The following TMPO variants were observed in gnomAD, a reference collection of about 807,000 sequenced individuals.
TMPO encodes thymopoietin.
TMPO carries 22 observed loss-of-function variants against 45.4 expected under a neutral mutation model. The observed-to-expected ratio is 0.48, with a 90% confidence interval of 0.35 to 0.69. The LOEUF is 0.69. Among genes scored for constraint, TMPO ranks in the 30% least tolerant of loss-of-function variants. The pLI, the probability that TMPO is intolerant of heterozygous loss-of-function variation, is 0.01. For missense variants in TMPO, 512 were observed against 548.8 expected (o/e 0.93, Z 0.67); for synonymous variants, 241 against 204.1 (o/e 1.18, Z -1.54).
chr12:98,528,308 G>C lies in TMPO; in HGVS notation c.406+296G>C, dbSNP rs182833695. Among the ~76,000 whole-genome samples, 186 of 138,672 alleles carry C rather than the reference G, an allele frequency of 1.3e-3. 1 individual carries two copies. Among genetic ancestry groups the C allele is most frequent in the Non-Finnish European group, 7.0e-4 (46 of 65,826 alleles). 91.0% of individuals were successfully genotyped at this position (138,672 alleles called of 152,430 possible). On this transcript the variant is annotated intron_variant, in intron 2 of 8. Transcript: ENST00000556029. ...TTTTGTTTTTTTGAGACGGAGTCTT[G>C]CTCTGTCGCCCAGGCTGTAGTGCAG... is the stretch of plus-strand genomic sequence containing the variant.
intron 3 of TMPO, chr12:98,532,211 T>G (rs1439853387): frequency 5.2e-6 from 1 of 193,590 alleles, no homozygotes; most frequent in African/African-American, 2.4e-5. Flanking sequence ...GTTTTATATT[T>G]CACATACACA....
Position 98,532,763 on chromosome 12 carries a change from GAATAA to G in TMPO, c.565+929_565+933del, listed in dbSNP as rs777006179. The G allele has an allele frequency of 4.4e-4, 715 of 1,613,006 alleles. 1 individual carries two copies. The highest frequency in any genetic ancestry group is 5.9e-4 in the Non-Finnish European group (694 of 1,179,724). On this transcript the variant is annotated intron_variant, in intron 3 of 8. Transcript: ENST00000556029. ...GCACTATTTTTAGCAAAGAGGCAAA[GAATAA>G]AATCAGCTCAAACACAGGTAATGCT...
chr12:98,524,595 G>C (rs1876622264), intron 1 of TMPO, among the ~76,000 whole-genome samples: 2 of 150,380 alleles, frequency 1.3e-5, no homozygotes, highest in Non-Finnish European at 3.0e-5. Flanking sequence ...AAAAAAAAAA[G>C]AGTTAAGATT....
chr12:98,526,957 C>T (rs1247386556), intron 1 of TMPO, among the ~76,000 whole-genome samples: 1 of 142,684 alleles, frequency 7.0e-6, no homozygotes, highest in African/African-American at 2.6e-5. Flanking sequence ...ACTCCACCTC[C>T]AAAAAAAAAA....
chr12:98,544,625 C>T (rs1878110996), intron 6 of TMPO, 88 bp downstream of exon 6: 4 of 1,051,506 alleles, frequency 3.8e-6, no homozygotes, highest in Non-Finnish European at 5.5e-6. Flanking sequence ...TTTGGCAAAT[C>T]TCAAATTTAC....
chr12:98,530,026 A>G (rs1450618020), intron 2 of TMPO, among the ~76,000 whole-genome samples: 1 of 152,234 alleles, frequency 6.6e-6, no homozygotes, highest in Non-Finnish European at 1.5e-5. Flanking sequence ...TAACACTTTT[A>G]AAAAATGTTT....
chr12:98,540,724 T>C (rs1877867053), intron 4 of TMPO, among the ~76,000 whole-genome samples: 1 of 152,220 alleles, frequency 6.6e-6, no homozygotes, highest in South Asian at 2.1e-4. Context: ...AATGACCATA[T>C]GTGGCTAGTG....
chr12:98,521,977 C>G (rs1876404654), intron 1 of TMPO, among the ~76,000 whole-genome samples: 1 of 151,894 alleles, frequency 6.6e-6, no homozygotes, highest in Non-Finnish European at 1.5e-5. Context: ...TGATCTGCCC[C>G]CCTTAGCCTC....
chr12:98,549,576 A>G lies in TMPO; in HGVS notation c.*1718A>G, dbSNP rs1276710414. Reference sequence around the variant, plus strand: ...TAAAGTAGTAGGTGATTAAAATTTCAATAGAATCAAATGAGACAAAAATTT... The same window carrying G: ...TAAAGTAGTAGGTGATTAAAATTTCGATAGAATCAAATGAGACAAAAATTT... On this transcript the variant is annotated 3_prime_UTR_variant, in exon 9 of 9. Transcript: ENST00000556029. 9.0e-6 allele frequency: 1 copy of G among 111,674 alleles called. No homozygotes were observed. The highest frequency in any genetic ancestry group is 2.0e-5 in the Non-Finnish European group (1 of 50,384). The allele number at this position is 111,674 out of a possible 1,614,324, so 6.9% of individuals were successfully genotyped here. A position where few individuals can be genotyped will look rare whatever the true frequency, so the allele number is the denominator to read the frequency against.
chr12:98,531,731 G>A lies in TMPO; in HGVS notation c.458G>A (p.Gly153Glu). The A allele has an allele frequency of 6.2e-7, 1 of 1,613,496 alleles. No individual in the cohort carries two copies. The highest frequency in any genetic ancestry group is 8.5e-7 in the Non-Finnish European group (1 of 1,179,960). The change falls in exon 3 of 9, where the codon GGA becomes GAA. Residue 153 changes from glycine (G) to glutamate (E), a missense_variant. This residue lies in a region of TMPO where 299 missense variants were observed against 296.7 expected (regional missense o/e 1.01). Transcript: ENST00000556029. ...AAGCTTTTGAAACTGAGGGAACAAGGAACAGAATCAAGATCTTCTACTCCT... is the reference window on the plus strand; with the variant it reads ...AAGCTTTTGAAACTGAGGGAACAAGAAACAGAATCAAGATCTTCTACTCCT... ...EKKLLKLREQ[G>E]TESRSSTPLP...
intron 1 of TMPO, among the ~76,000 whole-genome samples, chr12:98,524,674 A>G (rs1357688821): frequency 1.3e-5 from 2 of 151,350 alleles, no homozygotes; most frequent in Non-Finnish European, 2.9e-5. Context: ...ACTCACTGCA[A>G]CCTCCGCCTC....
chr12:98,522,028 C>G (rs1363115098), intron 1 of TMPO, among the ~76,000 whole-genome samples: 7 of 152,040 alleles, frequency 4.6e-5, no homozygotes, highest in African/African-American at 1.7e-4. Context: ...CCACGCCTGT[C>G]TGTGTGTTTG....
chr12:98,548,919 GA>G lies in TMPO; in HGVS notation c.*1062del, dbSNP rs1878375373. 1.3e-5 allele frequency: 2 copies of G among 152,298 alleles called. No individual in the cohort carries two copies. The highest frequency in any genetic ancestry group is 4.8e-5 in the African/African-American group (2 of 41,448). 9.4% of individuals were successfully genotyped at this position (152,298 alleles called of 1,614,324 possible). The stretch of plus-strand genomic sequence containing the variant: ...GTGGATCACGAGGTCAAGAGATCAA[GA>G]CCATCCTGGCCAACATGGTGAAACC... On this transcript the variant is annotated 3_prime_UTR_variant, in exon 9 of 9. Coordinates refer to ENST00000556029, the MANE Select transcript of TMPO (RefSeq NM_001032283.3).
At chr12:98,523,661 TATA>T (rs1310683485) in intron 1 of TMPO, among the ~76,000 whole-genome samples, 1 of 152,138 alleles carries the variant, frequency 6.6e-6, no homozygotes, top group Non-Finnish European at 1.5e-5. Flanking sequence ...TTGAAGGAAA[TATA>T]ATTGATTTTC....
chr12:98,519,170 C>T (rs1876136651), intron 1 of TMPO, among the ~76,000 whole-genome samples: 1 of 152,146 alleles, frequency 6.6e-6, no homozygotes, highest in African/African-American at 2.4e-5. Flanking sequence ...GCGTGAGCCA[C>T]CGCGCCCAGC....
At chr12:98,545,216 C>T (rs1478902897) in intron 7 of TMPO, among the ~76,000 whole-genome samples, 155 bp downstream of exon 7, 5 of 143,966 alleles carry the variant, frequency 3.5e-5, no homozygotes, top group African/African-American at 1.3e-4. Context: ...ATTTTAAGGA[C>T]ACTTTTATTA....
intron 1 of TMPO, among the ~76,000 whole-genome samples, chr12:98,526,426 T>C (rs527759700): frequency 1.3e-5 from 2 of 152,346 alleles, no homozygotes; most frequent in Admixed American, 6.5e-5. Flanking sequence ...TCCTCCCTTA[T>C]ACTTCAGATC....
rs1875712812 is a variant in TMPO at position 98,515,618 on chromosome 12, G to C, written c.-250G>C. 2 of 658,840 alleles carry C rather than the reference G, an allele frequency of 3.0e-6. No homozygotes were observed. Among genetic ancestry groups the C allele is most frequent in the Admixed American group, 3.0e-5 (1 of 33,562 alleles). 40.8% of individuals were successfully genotyped at this position (658,840 alleles called of 1,614,324 possible). ...GCAGGCTGCTCGCCTCCTGCCTGTA[G>C]TGTGTGGGCTGGGGTTGGTGCGAGC... On this transcript the variant is annotated 5_prime_UTR_variant, in exon 1 of 9. Transcript: ENST00000556029.
chr12:98,518,888 GT>G (rs10711028), intron 1 of TMPO, among the ~76,000 whole-genome samples: 32,884 of 146,700 alleles, frequency 0.22, 4,456 homozygotes, highest in Non-Finnish European at 0.32. Context: ...AAAATGAAGG[GT>G]TTTTTTTTTT....
Sources: gnomAD v4.1 joint callset for allele counts (sites outside exome capture counted in the v4.1 genomes callset) on GRCh38, gnomAD v4.1.1 for gene constraint, gnomAD v4.1.1 regional missense constraint, MANE v1.5 for transcripts, NCBI Gene and HGNC (gene_info 2026-07-23, HGNC 2026-07-21) for gene names.